Variants in AFG2A observed in about 807,000 individuals in gnomAD.
AFG2A encodes the protein ATPase family gene 2 protein homolog A.
the AFG2A span, among the ~76,000 whole-genome samples, chr4:123,025,523 T>C: frequency 3.3e-5 from 5 of 151,066 alleles, no homozygotes; most frequent in African/African-American, 9.7e-5. Flanking sequence ...TTTATGAATG[T>C]CTTGTTTGTG....
chr4:122,955,290 T>C, the AFG2A span, among the ~76,000 whole-genome samples: 1 of 152,136 alleles, frequency 6.6e-6, no homozygotes, highest in Non-Finnish European at 1.5e-5. Flanking sequence ...AAGTTATTGC[T>C]CTCAGGTGCA....
the AFG2A span, among the ~76,000 whole-genome samples, chr4:123,026,907 T>G: frequency 1.1e-3 from 172 of 152,326 alleles, 1 homozygote; most frequent in Non-Finnish European, 1.8e-4. Flanking sequence ...ACATGTTCCC[T>G]TATTTCTTTT....
chr4:123,078,996 G>A, the AFG2A span, among the ~76,000 whole-genome samples: 1 of 152,212 alleles, frequency 6.6e-6, no homozygotes, highest in Middle Eastern at 3.4e-3. Context: ...GTTTTGCATT[G>A]TTTGAGAAGT....
the AFG2A span, among the ~76,000 whole-genome samples, chr4:122,994,366 G>T: frequency 1.3e-5 from 2 of 152,096 alleles, no homozygotes; most frequent in African/African-American, 2.4e-5. Flanking sequence ...AAAAAATAGT[G>T]CTTTTAATAT....
chr4:122,963,479 C>T, the AFG2A span, among the ~76,000 whole-genome samples: 1 of 152,128 alleles, frequency 6.6e-6, no homozygotes, highest in African/African-American at 2.4e-5. Context: ...TTTGAAGCAC[C>T]TTGTATGTAC....
At chr4:123,007,592 GTGTGTGTGTGTGTGTGTATATATA>G in the AFG2A span, among the ~76,000 whole-genome samples, 3 of 27,460 alleles carry the variant, frequency 1.1e-4, no homozygotes, top group African/African-American at 3.9e-4. Flanking sequence ...GTGTGTGTGT[GTGTGTGTGTGTGTGTGTATATATA>G]TATATATATA....
chr4:123,130,929 GTT>G, the AFG2A span, among the ~76,000 whole-genome samples: 3 of 149,394 alleles, frequency 2.0e-5, no homozygotes, highest in South Asian at 2.1e-4. Context: ...TATTGTCAGT[GTT>G]TTTTTTTTCT....
chr4:123,015,898 C>T, the AFG2A span, among the ~76,000 whole-genome samples: 4 of 44,892 alleles, frequency 8.9e-5, no homozygotes, highest in South Asian at 1.1e-3. Flanking sequence ...GGCGGCTGGC[C>T]GGGCAGAGGG....
At chr4:123,151,365 A>G in the AFG2A span, among the ~76,000 whole-genome samples, 5 of 152,318 alleles carry the variant, frequency 3.3e-5, no homozygotes, top group East Asian at 1.9e-4. Flanking sequence ...TTTACAGTCT[A>G]TGCATCTTAC....
the AFG2A span, among the ~76,000 whole-genome samples, chr4:123,166,352 C>T: frequency 4.6e-5 from 7 of 152,178 alleles, no homozygotes. Flanking sequence ...GCTTCCTGCC[C>T]TCAAACACTG....
chr4:123,254,606 T>G, the AFG2A span, among the ~76,000 whole-genome samples: 1 of 152,196 alleles, frequency 6.6e-6, no homozygotes, highest in Non-Finnish European at 1.5e-5. Context: ...TTTAACCACT[T>G]TGAGATAATT....
chr4:122,959,237 A>G, the AFG2A span, among the ~76,000 whole-genome samples: 1 of 152,220 alleles, frequency 6.6e-6, no homozygotes, highest in African/African-American at 2.4e-5. Context: ...ACCGTCTCTA[A>G]TAGTGTTGTT....
chr4:123,024,691 C>T, the AFG2A span, among the ~76,000 whole-genome samples: 38 of 152,336 alleles, frequency 2.5e-4, no homozygotes, highest in South Asian at 7.9e-3. Flanking sequence ...AGGGCAAGAC[C>T]TCTGGAACAT....
At chr4:123,071,119 T>C in the AFG2A span, among the ~76,000 whole-genome samples, 1 of 152,206 alleles carries the variant, frequency 6.6e-6, no homozygotes, top group Non-Finnish European at 1.5e-5. Flanking sequence ...AGGTTCAGGA[T>C]TGGGAAACAA....
chr4:123,206,157 C>T, the AFG2A span, among the ~76,000 whole-genome samples: 24 of 152,114 alleles, frequency 1.6e-4, no homozygotes, highest in African/African-American at 5.8e-4. Flanking sequence ...TACACATGAT[C>T]AGACCTTTCT....
At chr4:122,962,893 T>C in the AFG2A span, among the ~76,000 whole-genome samples, 10 of 152,238 alleles carry the variant, frequency 6.6e-5, no homozygotes, top group African/African-American at 2.4e-4. Flanking sequence ...AAATACCTTC[T>C]TCCTGCCTAC....
the AFG2A span, among the ~76,000 whole-genome samples, chr4:123,140,627 T>A: frequency 6.6e-6 from 1 of 152,108 alleles, no homozygotes; most frequent in Admixed American, 6.5e-5. Context: ...TGTATACTTG[T>A]TTTTTAAAGT....
the AFG2A span, among the ~76,000 whole-genome samples, chr4:123,052,113 A>G: frequency 2.0e-5 from 3 of 152,038 alleles, no homozygotes; most frequent in South Asian, 6.2e-4. Flanking sequence ...CATAGCTCCC[A>G]TAAACCGTTC....
the AFG2A span, among the ~76,000 whole-genome samples, chr4:123,160,369 G>C: frequency 9.9e-3 from 1,505 of 152,202 alleles, 36 homozygotes; most frequent in African/African-American, 0.034. Context: ...ACAAATTACT[G>C]TGGCCAGCTT....
Sources: allele counts gnomAD v4.1 joint callset (sites outside exome capture counted in the v4.1 genomes callset), GRCh38; gene constraint gnomAD v4.1.1; transcripts MANE v1.5; gene names NCBI Gene and HGNC (gene_info 2026-07-23, HGNC 2026-07-21).